The following B4GALT5 variants were observed in gnomAD, a reference collection of about 807,000 sequenced individuals.
The protein encoded by B4GALT5 is UDP-Gal:beta-GlcNAc beta-1,4-galactosyltransferase 5.
A neutral mutation model predicts 45.0 loss-of-function variants in B4GALT5; 11 were observed. That is an observed-to-expected ratio of 0.24 (90% CI 0.15 to 0.40). B4GALT5 has a LOEUF of 0.40. B4GALT5 is among the 10% of genes least tolerant of loss of function. B4GALT5 has a pLI of 1.00. For synonymous variants in B4GALT5, 185 were observed against 182.9 expected, an observed-to-expected ratio of 1.01 and a Z score of -0.09; for missense variants, 337 against 500.2, an observed-to-expected ratio of 0.67 and a Z score of 3.11.
rs1239190716 is a variant in B4GALT5 at position 49,636,931 on chromosome 20, C to CACACACACACAA, written c.1019+409_1019+410insTTGTGTGTGTGT. On this transcript the variant is annotated intron_variant, in intron 8 of 8. Transcript: ENST00000371711. ...AGACACACACACACACACACACACA[C>CACACACACACAA]ACACAAAGAAAGAAAAGGTAACACA... Among the ~76,000 whole-genome samples, 35 of 151,962 alleles carry CACACACACACAA rather than the reference C, an allele frequency of 2.3e-4. 1 individual carries two copies. In the South Asian group the frequency reaches 7.1e-3, roughly 31 times the overall value.
chr20:49,636,907 G>GACATACACAC (rs1555810740), intron 8 of B4GALT5, among the ~76,000 whole-genome samples: 2 of 146,388 alleles, frequency 1.4e-5, no homozygotes, highest in African/African-American at 5.1e-5. Context: ...ATTTAGAAAA[G>GACATACACAC]ACACACACAC....
chr20:49,707,834 G>A lies in B4GALT5; in HGVS notation c.115+5742C>T, dbSNP rs79999885. ...TCACTATGTTGCCCAGGATCGTCTTGAACTCCTGGACACAAGGAATCCGCC... is the reference window on the plus strand; with the variant it reads ...TCACTATGTTGCCCAGGATCGTCTTAAACTCCTGGACACAAGGAATCCGCC... On this transcript the variant is annotated intron_variant, in intron 1 of 8. Transcript: ENST00000371711. Among the ~76,000 whole-genome samples the A allele has an allele frequency of 1.6e-3, 242 of 151,460 alleles. 7 individuals carry two copies. In the East Asian group the frequency reaches 0.043, roughly 27 times the overall value.
At chr20:49,713,287 G>A (rs2085927107) in intron 1 of B4GALT5, among the ~76,000 whole-genome samples, 1 of 150,772 alleles carries the variant, frequency 6.6e-6, no homozygotes, top group South Asian at 2.1e-4. Flanking sequence ...CGGGAAGGGG[G>A]TTCCGGAGCA....
chr20:49,686,810 G>A (rs1240951329), intron 1 of B4GALT5, among the ~76,000 whole-genome samples: 1 of 149,908 alleles, frequency 6.7e-6, no homozygotes, highest in African/African-American at 2.5e-5. Context: ...GAGGTGGAAG[G>A]ATCCCTTCAG....
intron 2 of B4GALT5, among the ~76,000 whole-genome samples, chr20:49,648,396 G>A (rs980059828): frequency 5.9e-5 from 9 of 152,158 alleles, no homozygotes; most frequent in Non-Finnish European, 1.2e-4. Flanking sequence ...CCAGGATGGG[G>A]AAATGGGTCT....
chr20:49,639,339 C>T (rs2085566270), intron 7 of B4GALT5, among the ~76,000 whole-genome samples: 1 of 151,538 alleles, frequency 6.6e-6, no homozygotes, highest in Admixed American at 6.6e-5. Flanking sequence ...AAGATATTTT[C>T]TAAAAACTTG....
chr20:49,695,473 G>A (rs2085835648), intron 1 of B4GALT5, among the ~76,000 whole-genome samples: 1 of 151,456 alleles, frequency 6.6e-6, no homozygotes, highest in Non-Finnish European at 1.5e-5. Context: ...GCGCAATGGC[G>A]CAATCTCGGC....
At chr20:49,690,563 G>C (rs115147580) in intron 1 of B4GALT5, among the ~76,000 whole-genome samples, 1 of 151,344 alleles carries the variant, frequency 6.6e-6, no homozygotes, top group African/African-American at 2.4e-5. Context: ...AAAAAAAAGG[G>C]GGGGGTGACA....
At chr20:49,698,876 T>C (rs961860498) in intron 1 of B4GALT5, among the ~76,000 whole-genome samples, 1 of 152,202 alleles carries the variant, frequency 6.6e-6, no homozygotes, top group Non-Finnish European at 1.5e-5. Context: ...TAGCTGTTTA[T>C]TAATAACATG....
chr20:49,658,701 C>A (rs1294252649), intron 1 of B4GALT5, among the ~76,000 whole-genome samples: 1 of 152,100 alleles, frequency 6.6e-6, no homozygotes, highest in African/African-American at 2.4e-5. Flanking sequence ...CACCCATCCC[C>A]CAGAGTGCTT....
Position 49,637,382 on chromosome 20 carries a change from G to A in B4GALT5, c.978C>T (p.Ser326=), listed in dbSNP as rs2085558520. 2 of 1,614,146 alleles carry A rather than the reference G, an allele frequency of 1.2e-6. No individual in the cohort carries two copies. Among genetic ancestry groups the A allele is most frequent in the African/African-American group, 1.3e-5 (1 of 75,024 alleles). ...CTTCTCCTCGATGGTGATGAGGAAT[G>A]GACTTGTACTTTCCTGTGTCACCCT... ...RPEGDTGKYK[S]IPHHHRGEVQ... is the part of the protein sequence containing the mutation. Residue 326 remains serine, a synonymous_variant, in exon 8 of 9, where the codon TCC becomes TCT. Transcript: ENST00000371711.
rs570351363 is a variant in B4GALT5 at position 49,636,245 on chromosome 20, C to CAA, written c.*65_*66dup. On this transcript the variant is annotated 3_prime_UTR_variant, in exon 9 of 9. Transcript: ENST00000371711. ...CTTGCTGTGTAGACCCTCCCCCCTC[C>CAA]AAAAAAAAATCTCATCGGACTGCTT... 3.2e-6 allele frequency: 5 copies of CAA among 1,553,250 alleles called. No homozygotes were observed. The African/African-American group carries it at 5.5e-5, about 17-fold the overall frequency.
At chr20:49,703,530 T>A in intron 1 of B4GALT5, among the ~76,000 whole-genome samples, 1 of 152,062 alleles carries the variant, frequency 6.6e-6, no homozygotes, top group East Asian at 1.9e-4. Context: ...ACTATATAGA[T>A]TATGAGGATA....
intron 1 of B4GALT5, among the ~76,000 whole-genome samples, chr20:49,704,871 AG>A (rs1283588137): frequency 1.3e-5 from 2 of 152,234 alleles, no homozygotes; most frequent in African/African-American, 4.8e-5. Context: ...ACAGTAATGA[AG>A]GTGCCTCAGA....
chr20:49,709,098 C>G (rs1600560960), intron 1 of B4GALT5, among the ~76,000 whole-genome samples: 1 of 152,034 alleles, frequency 6.6e-6, no homozygotes, highest in Non-Finnish European at 1.5e-5. Context: ...TAAATCAGCA[C>G]CTCATATGTA....
At chr20:49,678,027 C>T (rs549502314) in intron 1 of B4GALT5, among the ~76,000 whole-genome samples, 22 of 152,368 alleles carry the variant, frequency 1.4e-4, no homozygotes, top group Non-Finnish European at 2.5e-4. Flanking sequence ...GAATTATAGG[C>T]GTGAGTCATC....
intron 2 of B4GALT5, among the ~76,000 whole-genome samples, chr20:49,647,580 T>A (rs893823765): frequency 2.6e-5 from 4 of 152,220 alleles, no homozygotes; most frequent in African/African-American, 9.6e-5. Flanking sequence ...ATCGGTCACA[T>A]ATCATAGCTG....
At chr20:49,673,156 C>T (rs905881730) in intron 1 of B4GALT5, among the ~76,000 whole-genome samples, 8 of 152,014 alleles carry the variant, frequency 5.3e-5, no homozygotes, top group Admixed American at 1.3e-4. Flanking sequence ...CCGAGGCAGG[C>T]GGATCACAAG....
In B4GALT5 at chr20:49,657,040, CT is replaced by C. The variant is rs1205171119; in HGVS notation, c.116-339del. Among the ~76,000 whole-genome samples, 1,441 of 148,042 alleles carry C rather than the reference CT, an allele frequency of 9.7e-3. 23 individuals are homozygous for C. The highest frequency in any genetic ancestry group is 0.033 in the African/African-American group (1,357 of 40,588). On this transcript the variant is annotated intron_variant, in intron 1 of 8. Coordinates refer to ENST00000371711, the MANE Select transcript of B4GALT5 (RefSeq NM_004776.4). ...AAAGACCTTTATGAATTAGTTAAAA[CT>C]TTTTTTTTTTAAAGGTTTCTGCTCT... is the stretch of plus-strand genomic sequence containing the variant.
Sources: allele counts gnomAD v4.1 joint callset (sites outside exome capture counted in the v4.1 genomes callset), GRCh38; gene constraint gnomAD v4.1.1; transcripts MANE v1.5; gene names NCBI Gene and HGNC (gene_info 2026-07-23, HGNC 2026-07-21).